The following UNC13B variants were observed in gnomAD, a reference collection of about 807,000 sequenced individuals.
The protein encoded by UNC13B is protein unc-13 homolog B.
Under a neutral mutation model 211.0 loss-of-function variants are expected in UNC13B, and 144 were observed. The ratio of observed to expected loss-of-function variants is 0.68; its 90% CI spans 0.60 to 0.78. The LOEUF (loss-of-function observed/expected upper bound fraction) is 0.78. Among genes scored for constraint, UNC13B ranks in the 30% least tolerant of loss-of-function variants. UNC13B has a pLI of 0.00. For missense variants in UNC13B, 1,777 were observed against 2,002.0 expected, an observed-to-expected ratio of 0.89 and a Z score of 2.14; for synonymous variants, 709 against 725.8, an observed-to-expected ratio of 0.98 and a Z score of 0.37.
chr9:35,396,033 C>T (rs955934786), intron 26 of UNC13B, among the ~76,000 whole-genome samples: 2 of 152,160 alleles, frequency 1.3e-5, no homozygotes, highest in Non-Finnish European at 2.9e-5. Context: ...ATGCCATGTA[C>T]ACCTGCTCAT....
At chr9:35,210,072 A>C (rs1381689543) in intron 1 of UNC13B, among the ~76,000 whole-genome samples, 2 of 152,134 alleles carry the variant, frequency 1.3e-5, no homozygotes, top group African/African-American at 4.8e-5. Context: ...ATACCCAGTT[A>C]CTAAAAAAAA....
At chr9:35,273,076 C>T (rs1428750232) in intron 7 of UNC13B, among the ~76,000 whole-genome samples, 2 of 152,172 alleles carry the variant, frequency 1.3e-5, no homozygotes, top group African/African-American at 4.8e-5. Context: ...CCAAAATGTC[C>T]TGAGTACGAA....
intron 17 of UNC13B, among the ~76,000 whole-genome samples, chr9:35,378,673 G>C (rs760157533): frequency 1.3e-5 from 2 of 152,140 alleles, no homozygotes; most frequent in Non-Finnish European, 2.9e-5. Flanking sequence ...AGGGGCCCTA[G>C]GGCACCCCAT....
At chr9:35,353,674 T>TA in intron 11 of UNC13B, 1 of 1,232,172 alleles carries the variant, frequency 8.1e-7, no homozygotes, top group Non-Finnish European at 1.0e-6. Flanking sequence ...AGCAAGTGTG[T>TA]ACAGAGACCG....
Position 35,162,047 on chromosome 9 carries a change from G to T in UNC13B, c.-237G>T. ...CCTACCTCCCAGCGATGGCGTCGCT[G>T]TGCCGCGCCCAGTCCCCAGCCTGCC... On this transcript the variant is annotated 5_prime_UTR_variant, in exon 1 of 40. Coordinates refer to ENST00000635942, the MANE Select transcript of UNC13B (RefSeq NM_001371189.2). 1.8e-6 allele frequency: 1 copy of T among 566,968 alleles called. No individual in the cohort carries two copies. The highest frequency in any genetic ancestry group is 3.4e-5 in the East Asian group (1 of 29,174). The allele number at this position is 566,968 out of a possible 1,614,324, so 35.1% of individuals were successfully genotyped here. A position where few individuals can be genotyped will look rare whatever the true frequency, so the allele number is the denominator to read the frequency against.
chr9:35,380,682 AT>A, intron 18 of UNC13B, 43 bp downstream of exon 18: 1 of 1,612,474 alleles, frequency 6.2e-7, no homozygotes, highest in Non-Finnish European at 8.5e-7. Context: ...AAGGGAAAGC[AT>A]GAAGGGGACC....
chr9:35,299,748 T>C (rs1829579876), intron 8 of UNC13B, among the ~76,000 whole-genome samples: 1 of 152,212 alleles, frequency 6.6e-6, no homozygotes, highest in East Asian at 1.9e-4. Flanking sequence ...GCAATTTTAT[T>C]GTTCTAGTCT....
chr9:35,387,774 G>T (rs1007078563), intron 24 of UNC13B, among the ~76,000 whole-genome samples: 1 of 152,206 alleles, frequency 6.6e-6, no homozygotes, highest in Non-Finnish European at 1.5e-5. Context: ...GAGACATAAA[G>T]TTGAGTAAGA....
At chr9:35,220,036 T>C (rs1389649885) in intron 1 of UNC13B, among the ~76,000 whole-genome samples, 1 of 152,162 alleles carries the variant, frequency 6.6e-6, no homozygotes, top group Non-Finnish European at 1.5e-5. Context: ...AATTTTGTCT[T>C]TTTGTATGAA....
chr9:35,392,482 G>GA (rs1835594765), intron 26 of UNC13B, among the ~76,000 whole-genome samples: 1 of 152,150 alleles, frequency 6.6e-6, no homozygotes, highest in Non-Finnish European at 1.5e-5. Flanking sequence ...TCAGAATATG[G>GA]AGGGCAAGAG....
intron 1 of UNC13B, among the ~76,000 whole-genome samples, chr9:35,225,572 T>G (rs1240722275): frequency 6.6e-6 from 1 of 152,116 alleles, no homozygotes; most frequent in African/African-American, 2.4e-5. Context: ...GTATCTATAT[T>G]GTTGCTGGGG....
rs546513987 is a variant in UNC13B, at chr9:35,175,860, T to TACA, written c.22+13556_22+13557insCAA. On this transcript the variant is annotated intron_variant, in intron 1 of 39. Coordinates refer to ENST00000635942, the MANE Select transcript of UNC13B (RefSeq NM_001371189.2). Reference sequence around the variant, plus strand: ...GGTGAAACCCCGTCTCTACTAAAAATATATAAAAAAAAAAAATTAGCCAGA... The same window carrying TACA: ...GGTGAAACCCCGTCTCTACTAAAAATACAATATAAAAAAAAAAAATTAGCCAGA... Among the ~76,000 whole-genome samples, 149 of 80,424 alleles carry TACA rather than the reference T, an allele frequency of 1.9e-3. 3 individuals are homozygous for TACA. The highest frequency in any genetic ancestry group is 8.2e-3 in the South Asian group (17 of 2,084). 52.8% of individuals were successfully genotyped at this position (80,424 alleles called of 152,430 possible). A position where few individuals can be genotyped will look rare whatever the true frequency, so the allele number is the denominator to read the frequency against.
intron 11 of UNC13B, among the ~76,000 whole-genome samples, chr9:35,346,951 G>T (rs1381234689): frequency 3.3e-5 from 5 of 150,626 alleles, no homozygotes; most frequent in African/African-American, 1.2e-4. Flanking sequence ...TAAAGACAGG[G>T]TCTTGTTCTG....
chr9:35,210,281 G>A (rs1055339849), intron 1 of UNC13B, among the ~76,000 whole-genome samples: 4 of 151,874 alleles, frequency 2.6e-5, no homozygotes, highest in African/African-American at 9.7e-5. Flanking sequence ...CTACATGTGG[G>A]TATTTAAATG....
chr9:35,183,659 C>T (rs1466749350), intron 1 of UNC13B, among the ~76,000 whole-genome samples: 12 of 130,908 alleles, frequency 9.2e-5, no homozygotes, highest in African/African-American at 2.4e-4. Context: ...AGACGATGGG[C>T]GGCCGGGCAG....
chr9:35,203,647 G>A (rs184639861), intron 1 of UNC13B, among the ~76,000 whole-genome samples: 2 of 152,320 alleles, frequency 1.3e-5, no homozygotes, highest in East Asian at 3.9e-4. Context: ...TGATGATTTA[G>A]GGTATGTGGT....
chr9:35,331,485 G>T (rs1008812469), intron 11 of UNC13B, among the ~76,000 whole-genome samples: 1 of 152,120 alleles, frequency 6.6e-6, no homozygotes, highest in African/African-American at 2.4e-5. Context: ...GGCCTCAAGC[G>T]ATCTGCCTGC....
intron 11 of UNC13B, chr9:35,352,634 G>A (rs2132072880): frequency 2.4e-6 from 3 of 1,232,080 alleles, no homozygotes; most frequent in East Asian, 3.2e-5. Flanking sequence ...CCAGGCCCCT[G>A]AGCAGCAAGG....
chr9:35,276,133 C>T (rs578157587), intron 7 of UNC13B, among the ~76,000 whole-genome samples: 4 of 151,830 alleles, frequency 2.6e-5, no homozygotes, highest in East Asian at 1.9e-4. Context: ...TGATGAAACC[C>T]GATCTCTACA....
Sources: allele counts gnomAD v4.1 joint callset (sites outside exome capture counted in the v4.1 genomes callset), GRCh38; gene constraint gnomAD v4.1.1; transcripts MANE v1.5; gene names NCBI Gene and HGNC (gene_info 2026-07-23, HGNC 2026-07-21).